Variants in CHAF1A observed in about 807,000 individuals in gnomAD.
CHAF1A encodes chromatin assembly factor 1 subunit A.
In CHAF1A, 5 loss-of-function variants were observed where a neutral mutation model predicts 93.2. The observed-to-expected ratio is 0.05, with a 90% CI of 0.03 to 0.11. The LOEUF (loss-of-function observed/expected upper bound fraction) is 0.11, where lower values mean the gene tolerates loss of function less well. Ranked by LOEUF, CHAF1A falls within the 10% of genes least tolerant of loss-of-function variation. CHAF1A has a pLI of 1.00. For synonymous variants in CHAF1A, 504 were observed against 510.3 expected (o/e 0.99, Z 0.17); for missense variants, 1,102 against 1,259.9 (o/e 0.87, Z 1.90).
chr19:4,410,030 A>T (rs539694659), intron 3 of CHAF1A, among the ~76,000 whole-genome samples: 55 of 152,302 alleles, frequency 3.6e-4, no homozygotes, highest in Non-Finnish European at 7.4e-4. Context: ...GTTCACATCT[A>T]ATCAGTGATA....
In CHAF1A at chr19:4,403,853, C is replaced by CTTTA. The variant is rs1222364762; in HGVS notation, c.52+1055_52+1058dup. Among the ~76,000 whole-genome samples the CTTTA allele has an allele frequency of 6.6e-5, 10 of 152,258 alleles. No homozygotes were observed. In the South Asian group the frequency reaches 1.9e-3, roughly 28 times the overall value. ...TGATGTTTTAAGTCAGGATGTTTAACTTTATTTATTTATTTATTTTGAGAC... is the reference window on the plus strand; with the variant it reads ...TGATGTTTTAAGTCAGGATGTTTAACTTTATTTATTTATTTATTTATTTTGAGAC... On this transcript the variant is annotated intron_variant, in intron 1 of 14. Coordinates refer to ENST00000301280, the MANE Select transcript of CHAF1A (RefSeq NM_005483.3).
intron 13 of CHAF1A, among the ~76,000 whole-genome samples, chr19:4,435,808 C>T (rs1024775235): frequency 1.3e-5 from 2 of 152,192 alleles, no homozygotes; most frequent in African/African-American, 2.4e-5. Flanking sequence ...CAGTGGATAA[C>T]CCCCGGCCCC....
At chr19:4,448,115 T>G, downstream of CHAF1A, 1 of 598,306 alleles carries the variant, frequency 1.7e-6, no homozygotes, top group South Asian at 2.0e-5. Flanking sequence ...ACACCTTCAT[T>G]TTGCACACGG....
chr19:4,416,086 A>G (rs1973892602), intron 3 of CHAF1A, among the ~76,000 whole-genome samples: 1 of 152,112 alleles, frequency 6.6e-6, no homozygotes, highest in East Asian at 1.9e-4. Flanking sequence ...AGGCAGGAGA[A>G]TCGCTTGAAC....
In CHAF1A at chr19:4,409,551, C is replaced by T. The variant is rs151103031; in HGVS notation, c.752C>T (p.Pro251Leu). The change falls in exon 3 of 15, where the codon CCG (proline) becomes CTG (leucine). Residue 251 changes from proline (P) to leucine (L), a missense_variant. This residue lies in a region of CHAF1A where 379 missense variants were observed against 365.7 expected (regional missense o/e 1.04). Transcript: ENST00000301280. ...CAGGACATCTTGGCTGTGAGACCAC[C>T]GCAAATCAAGTCCCTTCCAGCCACA... ...VLQDILAVRPPQIKSLPATPQ... is the reference protein window; with the variant it reads ...VLQDILAVRPLQIKSLPATPQ... 12 of 1,613,916 alleles carry T rather than the reference C, an allele frequency of 7.4e-6. No individual in the cohort carries two copies. Among genetic ancestry groups the T allele is most frequent in the East Asian group, 2.2e-5 (1 of 44,882 alleles).
chr19:4,446,427 C>A, downstream of CHAF1A: 1 of 1,577,642 alleles, frequency 6.3e-7, no homozygotes, highest in Admixed American at 1.8e-5. Flanking sequence ...CACACGCGGG[C>A]CAGGTCACGA....
At chr19:4,438,968 C>G (rs943506898) in intron 13 of CHAF1A, among the ~76,000 whole-genome samples, 2 of 151,426 alleles carry the variant, frequency 1.3e-5, no homozygotes, top group African/African-American at 2.4e-5. Flanking sequence ...GGCAACAGAG[C>G]GGGATTCTGT....
At chr19:4,431,353 T>A (rs560419532) in intron 11 of CHAF1A, among the ~76,000 whole-genome samples, 23 of 152,210 alleles carry the variant, frequency 1.5e-4, no homozygotes, top group Admixed American at 1.4e-3. Flanking sequence ...GGTCTTGAAC[T>A]CCTGACCTCC....
At position 4,422,703 on chromosome 19, in the gene CHAF1A, G is replaced by A. The variant is rs1426339919; in HGVS notation, c.1155G>A (p.Glu385=). 1 of 1,605,892 alleles carries A rather than the reference G, an allele frequency of 6.2e-7. No homozygotes were observed. Among genetic ancestry groups the A allele is most frequent in the African/African-American group, 1.3e-5 (1 of 74,988 alleles). ...AAGAGAAGGAGCTTAAGGAAAAGGA[G>A]AGGCGGGAGAAGCGGGAGAAGGATG... ...KEEEKELKEK[E]RREKREKDEK... is the part of the protein sequence containing the mutation. Residue 385 remains glutamate (E), a synonymous_variant, in exon 5 of 15, where the codon GAG becomes GAA. Transcript: ENST00000301280. The surrounding 1 kb of genome is among the most constrained non-coding windows in gnomAD (Gnocchi z 4.6).
At chr19:4,448,668 A>G (rs1008999769), downstream of CHAF1A, 18 of 532,048 alleles carry the variant, frequency 3.4e-5, no homozygotes, top group Non-Finnish European at 6.1e-5. Flanking sequence ...GGCTAGATCC[A>G]TGGGACTTGG....
At chr19:4,424,478 T>G (rs1445705869) in intron 7 of CHAF1A, among the ~76,000 whole-genome samples, 1 of 152,228 alleles carries the variant, frequency 6.6e-6, no homozygotes, top group African/African-American at 2.4e-5. Flanking sequence ...CCTTTATTTA[T>G]TTTTTGAGGC....
At position 4,418,063 on chromosome 19, in the gene CHAF1A, T is replaced by A. The variant is rs1973926839; in HGVS notation, c.1004T>A (p.Leu335His). Reference protein sequence around the residue: ...FVKGSTEKNKLRLQRDQERLG... With the variant: ...FVKGSTEKNKHRLQRDQERLG... ...AAAGGCTCTACAGAGAAGAACAAGC[T>A]CAGACTGCAAAGAGTAAGACATTTT... The change falls in exon 4 of 15, where the codon CTC becomes CAC. Residue 335 changes from leucine (L) to histidine (H), a missense_variant. Coordinates refer to ENST00000301280, the MANE Select transcript of CHAF1A (RefSeq NM_005483.3). The A allele has an allele frequency of 1.9e-6, 3 of 1,604,520 alleles. No homozygotes were observed. In the East Asian group the frequency reaches 6.7e-5, roughly 36 times the overall value.
downstream of CHAF1A, chr19:4,446,290 G>C (rs779379763): frequency 5.8e-5 from 92 of 1,572,774 alleles, no homozygotes; most frequent in African/African-American, 1.2e-4. Context: ...CACCCTGCAG[G>C]AGGCAGCCAT....
chr19:4,425,847 A>G (rs755883740), intron 7 of CHAF1A, among the ~76,000 whole-genome samples: 32 of 152,172 alleles, frequency 2.1e-4, no homozygotes, highest in Non-Finnish European at 3.8e-4. Context: ...CGATGTGTGG[A>G]AATTTCCTCC....
downstream of CHAF1A, chr19:4,445,271 T>C: frequency 1.6e-6 from 1 of 609,534 alleles, no homozygotes. Flanking sequence ...TTTGTTGGTG[T>C]CCCCAGGCCT....
intron 12 of CHAF1A, among the ~76,000 whole-genome samples, 197 bp from the exon 13 acceptor site, chr19:4,432,873 C>G (rs190366721): frequency 4.5e-4 from 69 of 152,278 alleles, no homozygotes; most frequent in African/African-American, 1.6e-3. Flanking sequence ...AACACACGTG[C>G]CCGGCCAAGG....
chr19:4,431,798 G>C (rs1264294653), intron 11 of CHAF1A, among the ~76,000 whole-genome samples, 154 bp from the exon 12 acceptor site: 1 of 152,194 alleles, frequency 6.6e-6, no homozygotes, highest in Non-Finnish European at 1.5e-5. Context: ...GCCAGCGCAT[G>C]GTGTGCTCTG....
chr19:4,445,242 C>T (rs1974480602), downstream of CHAF1A: 3 of 487,062 alleles, frequency 6.2e-6, no homozygotes, highest in African/African-American at 2.0e-5. Flanking sequence ...AGTTACCAAG[C>T]AGCTAGGGAG....
chr19:4,450,465 T>C, the CHAF1A span: 1 of 151,592 alleles, frequency 6.6e-6, no homozygotes, highest in Non-Finnish European at 1.5e-5. Context: ...TTGCCTAATA[T>C]GTAAAGAGTG....
Sources: gnomAD v4.1 joint callset for allele counts (sites outside exome capture counted in the v4.1 genomes callset) on GRCh38, gnomAD v4.1.1 for gene constraint, gnomAD v4.1.1 regional missense constraint, Gnocchi (gnomAD v3.1) non-coding constraint, MANE v1.5 for transcripts, NCBI Gene and HGNC (gene_info 2026-07-23, HGNC 2026-07-21) for gene names.